The following MET variants were observed in gnomAD, a reference collection of about 807,000 sequenced individuals.
The protein encoded by MET is MET proto-oncogene, receptor tyrosine kinase, also known as hepatocyte growth factor receptor.
Under a neutral mutation model 133.1 loss-of-function variants are expected in MET, and 48 were observed. The ratio of observed to expected loss-of-function variants is 0.36; its 90% CI spans 0.29 to 0.46. The LOEUF (loss-of-function observed/expected upper bound fraction) is 0.46. Ranked by LOEUF, MET falls within the 20% of genes least tolerant of loss-of-function variation. MET has a pLI of 1.00. For synonymous variants in MET, 628 were observed against 616.5 expected (o/e 1.02, Z -0.28); for missense variants, 1,442 against 1,695.9 (o/e 0.85, Z 2.63).
chr7:116,756,394 G>C (rs930055699), intron 6 of MET, among the ~76,000 whole-genome samples: 1 of 152,138 alleles, frequency 6.6e-6, no homozygotes, highest in African/African-American at 2.4e-5. Flanking sequence ...ATTCATTTCA[G>C]GGTTACACAA....
intron 2 of MET, among the ~76,000 whole-genome samples, chr7:116,710,806 T>C (rs1482441537): frequency 1.3e-5 from 2 of 152,122 alleles, no homozygotes; most frequent in African/African-American, 2.4e-5. Flanking sequence ...AACAATCCAA[T>C]TGAATGCAGA....
intron 3 of MET, among the ~76,000 whole-genome samples, chr7:116,739,165 T>C (rs1055136932): frequency 6.6e-6 from 1 of 152,228 alleles, no homozygotes; most frequent in African/African-American, 2.4e-5. Context: ...TTTATCCCAA[T>C]TGTTGTCAAT....
At chr7:116,702,486 G>C (rs1300181890) in intron 2 of MET, among the ~76,000 whole-genome samples, 1 of 152,000 alleles carries the variant, frequency 6.6e-6, no homozygotes, top group Admixed American at 6.6e-5. Context: ...GGCACCTAGA[G>C]CCATTCATCA....
intron 5 of MET, among the ~76,000 whole-genome samples, chr7:116,741,459 A>G (rs570802138): frequency 1.3e-5 from 2 of 152,298 alleles, no homozygotes; most frequent in East Asian, 3.9e-4. Flanking sequence ...ATGAGCCTCC[A>G]TCACAGAAAC....
chr7:116,731,593 T>C, intron 2 of MET, 75 bp from the exon 3 acceptor site: 1 of 1,480,414 alleles, frequency 6.8e-7, no homozygotes, highest in Non-Finnish European at 9.4e-7. Flanking sequence ...GCTCTGAAAA[T>C]ACACACTGAA....
chr7:116,771,799 G>A (rs1278299668), intron 13 of MET, 50 bp from the exon 14 acceptor site: 1 of 1,613,222 alleles, frequency 6.2e-7, no homozygotes, highest in Non-Finnish European at 8.5e-7. Context: ...AGTCTCCTGG[G>A]GCCCATGATA....
At position 116,763,413 on chromosome 7, in the gene MET, G is replaced by C; in HGVS notation, c.2583+145G>C. On this transcript the variant is annotated intron_variant, in intron 11 of 20. Coordinates refer to ENST00000397752, the MANE Select transcript of MET (RefSeq NM_000245.4). ...AAACTCTGAAAAACAAATCTTTTTG[G>C]CATAAAACTAAAAGATAAGAATAAC... The C allele has an allele frequency of 5.2e-6, 4 of 765,018 alleles. No homozygotes were observed. The South Asian group carries it at 6.3e-5, about 12-fold the overall frequency. 47.4% of individuals were successfully genotyped at this position (765,018 alleles called of 1,614,324 possible).
chr7:116,795,912 C>T lies in MET; in HGVS notation c.3961C>T (p.His1321Tyr), dbSNP rs1795655626. 6.2e-7 allele frequency: 1 copy of T among 1,614,218 alleles called. No individual in the cohort carries two copies. The highest frequency in any genetic ancestry group is 8.5e-7 in the Non-Finnish European group (1 of 1,180,034). Reference protein sequence around the residue: ...PLYEVMLKCWHPKAEMRPSFS... With the variant: ...PLYEVMLKCWYPKAEMRPSFS... ...ATATGAAGTAATGCTAAAATGCTGG[C>T]ACCCTAAAGCCGAAATGCGCCCATC... The change falls in exon 21 of 21, where the codon CAC (histidine) becomes TAC (tyrosine). Residue 1321 changes from histidine to tyrosine, a missense_variant. Transcript: ENST00000397752.
chr7:116,796,268 C>A lies in MET; in HGVS notation c.*144C>A. The A allele has an allele frequency of 2.5e-6, 2 of 801,468 alleles. No individual in the cohort carries two copies. Among genetic ancestry groups the A allele is most frequent in the Non-Finnish European group, 4.2e-6 (2 of 476,876 alleles). 49.6% of individuals were successfully genotyped at this position (801,468 alleles called of 1,614,324 possible). A position where few individuals can be genotyped will look rare whatever the true frequency, so the allele number is the denominator to read the frequency against. On this transcript the variant is annotated 3_prime_UTR_variant, in exon 21 of 21. Coordinates refer to ENST00000397752, the MANE Select transcript of MET (RefSeq NM_000245.4). ...GTATTGTTATTTAAATTACTGGATT[C>A]TAAGGAATTTCTTATCTGACAGAGC...
intron 19 of MET, among the ~76,000 whole-genome samples, chr7:116,784,613 C>T (rs1360631133): frequency 6.6e-6 from 1 of 152,134 alleles, no homozygotes; most frequent in African/African-American, 2.4e-5. Flanking sequence ...AAGAACAGCA[C>T]CAAAGGAAGA....
At chr7:116,714,321 G>A (rs372127814) in intron 2 of MET, among the ~76,000 whole-genome samples, 4 of 152,120 alleles carry the variant, frequency 2.6e-5, no homozygotes, top group African/African-American at 7.2e-5. Flanking sequence ...ATTTAAATGC[G>A]TTTGTATACA....
At chr7:116,680,274 G>A (rs1262213420) in intron 1 of MET, among the ~76,000 whole-genome samples, 1 of 151,986 alleles carries the variant, frequency 6.6e-6, no homozygotes, top group East Asian at 1.9e-4. Flanking sequence ...TTCATTGGTG[G>A]AACCAAACCA....
intron 5 of MET, among the ~76,000 whole-genome samples, chr7:116,755,040 G>GAAAGA (rs918744668): frequency 7.6e-5 from 3 of 39,402 alleles, no homozygotes; most frequent in African/African-American, 2.5e-4. Flanking sequence ...AAGAAAGAAA[G>GAAAGA]AAAAGAAAGA....
chr7:116,798,002 A>G lies in MET; in HGVS notation c.*1878A>G, dbSNP rs770910579. The G allele has an allele frequency of 6.8e-5, 15 of 220,406 alleles. No homozygotes were observed. Among genetic ancestry groups the G allele is most frequent in the Non-Finnish European group, 1.3e-4 (14 of 109,748 alleles). The allele number at this position is 220,406 out of a possible 1,614,324, so 13.7% of individuals were successfully genotyped here. A position where few individuals can be genotyped will look rare whatever the true frequency, so the allele number is the denominator to read the frequency against. Reference sequence around the variant, plus strand: ...TACAATCCAAATATTGCCGTTTCATAAATGTAATAAGTAATACTAATTCAC... The same window carrying G: ...TACAATCCAAATATTGCCGTTTCATGAATGTAATAAGTAATACTAATTCAC... On this transcript the variant is annotated 3_prime_UTR_variant, in exon 21 of 21. Transcript: ENST00000397752.
Position 116,699,194 on chromosome 7 carries a change from T to C in MET, c.110T>C (p.Val37Ala), listed in dbSNP as rs201315884. 5.4e-4 allele frequency: 879 copies of C among 1,613,956 alleles called. 10 individuals are homozygous for C. The South Asian group carries it at 6.9e-3, about 13-fold the overall frequency. Residue 37 changes from valine to alanine, a missense_variant, in exon 2 of 21, where the codon GTG (valine) becomes GCG (alanine). Physicochemically the swap from Val to Ala is moderately conservative, Grantham distance 64 (BLOSUM62 0). This residue lies in a region of MET where 762 missense variants were observed against 792.4 expected (regional missense o/e 0.96). Transcript: ENST00000397752. ...GCACTAGCAAAGTCCGAGATGAATGTGAATATGAAGTATCAGCTTCCCAAC... is the reference window on the plus strand; with the variant it reads ...GCACTAGCAAAGTCCGAGATGAATGCGAATATGAAGTATCAGCTTCCCAAC... ...KEALAKSEMN[V>A]NMKYQLPNFT...
intron 16 of MET, 71 bp from the exon 17 acceptor site, chr7:116,778,705 C>T (rs2117043812): frequency 6.7e-7 from 1 of 1,497,240 alleles, no homozygotes; most frequent in Admixed American, 1.7e-5. Context: ...CATTGCTCTT[C>T]CTATCTAAAT....
intron 1 of MET, among the ~76,000 whole-genome samples, chr7:116,677,823 G>A (rs40239): frequency 0.87 from 132,088 of 152,290 alleles, 57,417 homozygotes; most frequent in African/African-American, 0.92. Context: ...AACTATGTAC[G>A]TTTCTAAACT....
intron 2 of MET, among the ~76,000 whole-genome samples, chr7:116,723,962 TGGAGCCTACAGAGGCA>T (rs1397743685): frequency 6.6e-6 from 1 of 152,208 alleles, no homozygotes. Flanking sequence ...CCCCGAGAGG[TGGAGCCTACAGAGGCA>T]GGCAGGCCTC....
chr7:116,760,302 T>A (rs1288074173), intron 10 of MET, among the ~76,000 whole-genome samples: 2 of 152,110 alleles, frequency 1.3e-5, no homozygotes, highest in Non-Finnish European at 2.9e-5. Flanking sequence ...AGCTCTTTCT[T>A]GAAAGAGCTA....
Sources: gnomAD v4.1 joint callset for allele counts (sites outside exome capture counted in the v4.1 genomes callset) on GRCh38, gnomAD v4.1.1 for gene constraint, gnomAD v4.1.1 regional missense constraint, MANE v1.5 for transcripts, NCBI Gene and HGNC (gene_info 2026-07-23, HGNC 2026-07-21) for gene names.